The following KIF18B variants were observed in gnomAD, a reference collection of about 807,000 sequenced individuals.
KIF18B encodes kinesin family member 18B, also known as kinesin-like protein KIF18B.
A neutral mutation model predicts 80.9 loss-of-function variants in KIF18B; 49 were observed. That is an observed-to-expected ratio of 0.61 (90% CI 0.48 to 0.77). The LOEUF (loss-of-function observed/expected upper bound fraction) is 0.77, where lower values mean the gene tolerates loss of function less well. Ranked by LOEUF, KIF18B falls within the 30% of genes least tolerant of loss-of-function variation. KIF18B has a pLI of 0.00. For synonymous variants in KIF18B, 439 were observed against 463.9 expected (o/e 0.95, Z 0.69); for missense variants, 994 against 1,127.7 (o/e 0.88, Z 1.70).
intron 11 of KIF18B, among the ~76,000 whole-genome samples, chr17:44,931,035 G>A (rs1191443546): frequency 6.6e-6 from 1 of 152,168 alleles, no homozygotes; most frequent in African/African-American, 2.4e-5. Context: ...AGAGCTAAGT[G>A]GCAGGGGATT....
chr17:44,936,578 CTCTCTCTCTCTCTCTCTCTCTATATA>C (rs1453693810), intron 1 of KIF18B, among the ~76,000 whole-genome samples: 1 of 55,420 alleles, frequency 1.8e-5, no homozygotes, highest in African/African-American at 7.0e-5. Flanking sequence ...CTCTCTCTCT[CTCTCTCTCTCTCTCTCTCTCTATATA>C]TATATATATA....
At position 44,931,626 on chromosome 17, in the gene KIF18B, TC is replaced by T. The variant is rs1452447426; in HGVS notation, c.1492del (p.Glu498AsnfsTer12). ...CTGCTTAGAACGGTCCCCATCCAGT[TC>T]CCGTGCTGAGAAGTGGCCCACGACT... ...KPVVGHFSARELDGDRSKQLA... is the reference protein window; with the variant it reads ...KPVVGHFSARXLDGDRSKQLA... On this transcript the variant is annotated frameshift_variant, in exon 11 of 16. Coordinates refer to ENST00000593135, the MANE Select transcript of KIF18B (RefSeq NM_001265577.2). LOFTEE classifies it high-confidence loss of function. 1 of 1,613,936 alleles carries T rather than the reference TC, an allele frequency of 6.2e-7. No individual in the cohort carries two copies. Among genetic ancestry groups the T allele is most frequent in the Non-Finnish European group, 8.5e-7 (1 of 1,179,888 alleles).
intron 1 of KIF18B, among the ~76,000 whole-genome samples, chr17:44,938,797 C>T (rs1174981085): frequency 6.6e-6 from 1 of 152,134 alleles, no homozygotes; most frequent in Non-Finnish European, 1.5e-5. Context: ...GTAATCCCAG[C>T]ACTTTGGGAG....
rs57955845 is a variant in KIF18B, at chr17:44,947,113, C to CAAAAA, written c.-15+510_-15+514dup. 5.2e-3 allele frequency among the ~76,000 whole-genome samples: 281 copies of CAAAAA among 53,966 alleles called. 11 individuals are homozygous for CAAAAA. Among genetic ancestry groups the CAAAAA allele is most frequent in the African/African-American group, 0.013 (194 of 15,366 alleles). The allele number at this position is 53,966 out of a possible 152,430, so 35.4% of individuals were successfully genotyped here. A position where few individuals can be genotyped will look rare whatever the true frequency, so the allele number is the denominator to read the frequency against. ...GACAGAGAGAGAGAGACTCCATCTCCAAAAAAAAAAAAAAAAAAAAAAAAA... is the reference window on the plus strand; with the variant it reads ...GACAGAGAGAGAGAGACTCCATCTCCAAAAAAAAAAAAAAAAAAAAAAAAAAAAAA... On this transcript the variant is annotated intron_variant, in intron 1 of 15. Coordinates refer to ENST00000593135, the MANE Select transcript of KIF18B (RefSeq NM_001265577.2).
In KIF18B at chr17:44,926,123, C is replaced by G; in HGVS notation, c.2516G>C (p.Gly839Ala). The G allele has an allele frequency of 2.5e-6, 4 of 1,613,880 alleles. No homozygotes were observed. The highest frequency in any genetic ancestry group is 3.4e-6 in the Non-Finnish European group (4 of 1,179,868). The stretch of plus-strand genomic sequence containing the variant: ...GCCGTTCCCTGCTGAGAGTGCTCTC[C>G]CCACCCTGATGAGGTCCTTTCCATT... ...RRNGKDLIRVGRALSAGNGVT... is the reference protein window; with the variant it reads ...RRNGKDLIRVARALSAGNGVT... Residue 839 changes from glycine (G) to alanine (A), a missense_variant, in exon 16 of 16, where the codon GGG (glycine) becomes GCG (alanine). Physicochemically the swap from Gly to Ala is moderately conservative, Grantham distance 60 (BLOSUM62 0). Coordinates refer to ENST00000593135, the MANE Select transcript of KIF18B (RefSeq NM_001265577.2).
intron 11 of KIF18B, among the ~76,000 whole-genome samples, chr17:44,930,846 C>T (rs1463499956): frequency 6.6e-6 from 1 of 152,142 alleles, no homozygotes; most frequent in Non-Finnish European, 1.5e-5. Context: ...TGGGCAGGAC[C>T]TGATAAGCAG....
At chr17:44,930,911 G>A (rs1420422199) in intron 11 of KIF18B, among the ~76,000 whole-genome samples, 1 of 152,142 alleles carries the variant, frequency 6.6e-6, no homozygotes, top group Non-Finnish European at 1.5e-5. Flanking sequence ...GCTGAGTCGG[G>A]AACAGACACT....
At chr17:44,946,299 T>C (rs1303228472) in intron 1 of KIF18B, among the ~76,000 whole-genome samples, 2 of 152,158 alleles carry the variant, frequency 1.3e-5, no homozygotes, top group African/African-American at 4.8e-5. Flanking sequence ...GGTTAGATAA[T>C]ATAAAGACCA....
intron 1 of KIF18B, among the ~76,000 whole-genome samples, chr17:44,940,599 C>T (rs2052397285): frequency 6.6e-6 from 1 of 152,124 alleles, no homozygotes; most frequent in Non-Finnish European, 1.5e-5. Flanking sequence ...TTTTGGAATG[C>T]AGCCTGGAAA....
At chr17:44,928,767 C>A (rs1272745907) in intron 12 of KIF18B, 52 bp downstream of exon 12, 1 of 1,570,890 alleles carries the variant, frequency 6.4e-7, no homozygotes, top group Non-Finnish European at 8.7e-7. Context: ...CCCAGTGGGG[C>A]CTTGAAGACA....
At chr17:44,932,799 G>A (rs2052186932) in intron 8 of KIF18B, 26 bp from the exon 9 acceptor site, 2 of 1,600,206 alleles carry the variant, frequency 1.2e-6, no homozygotes, top group East Asian at 4.5e-5. Context: ...CCCAGCCCCT[G>A]AGAGCCCCAG....
Position 44,926,428 on chromosome 17 carries a change from G to T in KIF18B, c.2438C>A (p.Pro813His). 6.3e-7 allele frequency: 1 copy of T among 1,576,556 alleles called. No homozygotes were observed. Among genetic ancestry groups the T allele is most frequent in the Non-Finnish European group, 8.6e-7 (1 of 1,161,362 alleles). Residue 813 changes from proline (P) to histidine (H), a missense_variant, in exon 15 of 16, where the codon CCC becomes CAC. Transcript: ENST00000593135. ...GTGCCAGTCACCTGGGAGTACAAGGGGCCCAGCTGGCCTCTTCAAAGTGCT... is the reference window on the plus strand; with the variant it reads ...GTGCCAGTCACCTGGGAGTACAAGGTGCCCAGCTGGCCTCTTCAAAGTGCT... ...PSSTLKRPAG[P>H]LVLPELPLSP...
At chr17:44,940,700 A>G (rs1375838486) in intron 1 of KIF18B, among the ~76,000 whole-genome samples, 1 of 152,172 alleles carries the variant, frequency 6.6e-6, no homozygotes, top group African/African-American at 2.4e-5. Flanking sequence ...TTCCAGGTAA[A>G]GACTAGCTTC....
chr17:44,945,264 T>C (rs2052489602), intron 1 of KIF18B, among the ~76,000 whole-genome samples: 1 of 152,178 alleles, frequency 6.6e-6, no homozygotes. Flanking sequence ...TTTCACCATA[T>C]TGCCCAGGCT....
intron 1 of KIF18B, among the ~76,000 whole-genome samples, chr17:44,945,363 AT>A: frequency 6.6e-6 from 1 of 152,124 alleles, no homozygotes; most frequent in Non-Finnish European, 1.5e-5. Context: ...GCCCAGTCTT[AT>A]CTTCTTTTAT....
chr17:44,934,513 G>T lies in KIF18B; in HGVS notation c.681C>A (p.Ile227=). 6.2e-7 allele frequency: 1 copy of T among 1,611,856 alleles called. No individual in the cohort carries two copies. Among genetic ancestry groups the T allele is most frequent in the South Asian group, 1.1e-5 (1 of 90,646 alleles). The part of the protein sequence containing the change: ...ANATSSRSHA[I]FQIFVKQQDR... ...CTCTGACCCATGACCTCACCTGGAA[G>T]ATGGCATGGGAGCGGGAGGAAGTCG... Residue 227 remains isoleucine, a synonymous_variant, in exon 5 of 16, where the codon ATC becomes ATA. Transcript: ENST00000593135. This position sits in a 1 kb window ranked among gnomAD's most constrained non-coding sequence, Gnocchi z 5.4.
chr17:44,933,818 G>A (rs902253615), intron 7 of KIF18B, 105 bp downstream of exon 7: 8 of 1,118,058 alleles, frequency 7.2e-6, no homozygotes, highest in Non-Finnish European at 1.0e-5. Context: ...CCTCTGCCTT[G>A]GGGACACTTG....
chr17:44,929,077 G>C, intron 11 of KIF18B, 53 bp from the exon 12 acceptor site: 9 of 1,497,132 alleles, frequency 6.0e-6, no homozygotes, highest in Non-Finnish European at 7.4e-6. Context: ...GCCTGACCAG[G>C]AGCCTCTATG....
Position 44,932,152 on chromosome 17 carries a change from A to G in KIF18B, c.1293T>C (p.Ser431=). Residue 431 remains serine, a synonymous_variant, in exon 10 of 16, where the codon AGT becomes AGC. Transcript: ENST00000593135. ...TCTCCACCTGGGCCTCCATCCCCAG[A>G]CTCTCCTCTTGAAGGGCTCTAGGCC... The part of the protein sequence containing the change: ...PAGPRALQEE[S]LGMEAQVERA... The G allele has an allele frequency of 6.2e-7, 1 of 1,612,982 alleles. No homozygotes were observed. The highest frequency in any genetic ancestry group is 8.5e-7 in the Non-Finnish European group (1 of 1,179,616).
Sources: gnomAD v4.1 joint callset for allele counts (sites outside exome capture counted in the v4.1 genomes callset) on GRCh38, gnomAD v4.1.1 for gene constraint, Gnocchi (gnomAD v3.1) non-coding constraint, MANE v1.5 for transcripts, NCBI Gene and HGNC (gene_info 2026-07-23, HGNC 2026-07-21) for gene names.